RHOT1: variants seen among roughly 807,000 people sequenced by gnomAD.
RHOT1 encodes the protein ras homolog family member T1.
A neutral mutation model predicts 95.3 loss-of-function variants in RHOT1; 27 were observed. The observed-to-expected ratio is 0.28, with a 90% confidence interval of 0.21 to 0.39. The LOEUF (loss-of-function observed/expected upper bound fraction) is 0.39. Ranked by LOEUF, RHOT1 falls within the 10% of genes least tolerant of loss-of-function variation. RHOT1 has a pLI of 1.00. For synonymous variants in RHOT1, 227 were observed against 263.5 expected (o/e 0.86, Z 1.34); for missense variants, 578 against 786.7 (o/e 0.73, Z 3.17).
At chr17:32,163,344 A>G (rs185652983) in intron 1 of RHOT1, among the ~76,000 whole-genome samples, 10 of 152,182 alleles carry the variant, frequency 6.6e-5, no homozygotes, top group Non-Finnish European at 1.3e-4. Context: ...TTCAAAGGAA[A>G]ATTTGACAGA....
chr17:32,165,078 C>T (rs947133411), intron 1 of RHOT1, among the ~76,000 whole-genome samples: 13 of 152,054 alleles, frequency 8.5e-5, no homozygotes, highest in Admixed American at 4.6e-4. Context: ...TGGTGGCTTA[C>T]GCCTGTAATC....
At chr17:32,195,222 A>G (rs1374716067) in intron 11 of RHOT1, among the ~76,000 whole-genome samples, 2 of 151,772 alleles carry the variant, frequency 1.3e-5, no homozygotes, top group African/African-American at 2.4e-5. Flanking sequence ...GACCTTCCCA[A>G]ATAGCTGGGA....
intron 8 of RHOT1, among the ~76,000 whole-genome samples, chr17:32,184,136 T>C (rs938775241): frequency 1.3e-5 from 2 of 152,238 alleles, no homozygotes; most frequent in African/African-American, 2.4e-5. Flanking sequence ...TATTCCGTGG[T>C]TTTTAGTGTA....
At chr17:32,166,518 C>T (rs1349129865) in intron 1 of RHOT1, among the ~76,000 whole-genome samples, 1 of 152,200 alleles carries the variant, frequency 6.6e-6, no homozygotes, top group East Asian at 1.9e-4. Context: ...CATTTAATAG[C>T]ATTTTACCCA....
intron 8 of RHOT1, among the ~76,000 whole-genome samples, chr17:32,187,085 G>A (rs1598393503): frequency 2.0e-5 from 3 of 151,954 alleles, no homozygotes; most frequent in South Asian, 2.1e-4. Flanking sequence ...CCAGGAGTTC[G>A]AGACCAGCGT....
intron 1 of RHOT1, among the ~76,000 whole-genome samples, chr17:32,155,951 G>A (rs2032924681): frequency 6.6e-6 from 1 of 152,198 alleles, no homozygotes; most frequent in South Asian, 2.1e-4. Flanking sequence ...ATAATCATCT[G>A]GAATCAGGAT....
chr17:32,199,677 A>G (rs2037166948), intron 13 of RHOT1, 127 bp downstream of exon 13: 2 of 655,678 alleles, frequency 3.1e-6, no homozygotes, highest in Admixed American at 7.2e-5. Flanking sequence ...CCTCTAAGCA[A>G]GATTAGCTGC....
chr17:32,148,214 G>A (rs952428541), intron 1 of RHOT1, among the ~76,000 whole-genome samples: 1 of 152,092 alleles, frequency 6.6e-6, no homozygotes, highest in African/African-American at 2.4e-5. Context: ...GCAGTGAGCC[G>A]AAATCATGCC....
rs549647688 is a variant in RHOT1, at chr17:32,162,150, T to A, written c.38-8893T>A. Among the ~76,000 whole-genome samples the A allele has an allele frequency of 5.9e-5, 9 of 152,304 alleles. No homozygotes were observed. In the South Asian group the frequency reaches 1.7e-3, roughly 28 times the overall value. ...GGTTTTGGGGTGGGGCTGAGAGTTC[T>A]GACCCTCTAATCATGTAGTTGGTTT... On this transcript the variant is annotated intron_variant, in intron 1 of 19. Transcript: ENST00000545287.
chr17:32,202,399 T>C (rs776809034), intron 14 of RHOT1, among the ~76,000 whole-genome samples: 10 of 152,244 alleles, frequency 6.6e-5, no homozygotes, highest in Non-Finnish European at 1.3e-4. Flanking sequence ...GTTTATAATA[T>C]GTGACAGTTT....
chr17:32,218,209 C>T (rs965158882), intron 19 of RHOT1, among the ~76,000 whole-genome samples: 6 of 151,956 alleles, frequency 3.9e-5, no homozygotes, highest in African/African-American at 9.7e-5. Flanking sequence ...TAGAAAAGGG[C>T]CAAGCGCAGT....
At chr17:32,158,463 C>T (rs986478860) in intron 1 of RHOT1, among the ~76,000 whole-genome samples, 1 of 151,900 alleles carries the variant, frequency 6.6e-6, no homozygotes, top group Non-Finnish European at 1.5e-5. Flanking sequence ...CTCCCTCTGT[C>T]GTCGTTTTTT....
chr17:32,198,670 C>T (rs2037084368), intron 11 of RHOT1, among the ~76,000 whole-genome samples: 1 of 152,150 alleles, frequency 6.6e-6, no homozygotes, highest in South Asian at 2.1e-4. Flanking sequence ...GATCGTGCCA[C>T]TGCACTGTAG....
At chr17:32,175,475 C>A in intron 4 of RHOT1, 113 bp downstream of exon 4, 2 of 1,068,876 alleles carry the variant, frequency 1.9e-6, no homozygotes, top group South Asian at 1.3e-5. Context: ...TTTTTGGGAC[C>A]GTGTTTCACT....
intron 1 of RHOT1, among the ~76,000 whole-genome samples, chr17:32,163,596 G>A (rs998903055): frequency 1.3e-5 from 2 of 151,926 alleles, no homozygotes; most frequent in Non-Finnish European, 2.9e-5. Context: ...CCAGCGTGAT[G>A]GTGCGCACCT....
At chr17:32,206,861 T>C (rs2037792381) in intron 16 of RHOT1, 49 bp from the exon 17 acceptor site, 3 of 1,287,626 alleles carry the variant, frequency 2.3e-6, no homozygotes, top group Non-Finnish European at 3.3e-6. Context: ...TGACTTAATA[T>C]ATCAATATTA....
intron 19 of RHOT1, among the ~76,000 whole-genome samples, chr17:32,215,378 C>T (rs1265614660): frequency 6.6e-6 from 1 of 152,120 alleles, no homozygotes; most frequent in Non-Finnish European, 1.5e-5. Context: ...CCCACTGTCC[C>T]CTAACCCCAC....
chr17:32,204,059 A>G, intron 16 of RHOT1, 86 bp downstream of exon 16: 1 of 880,968 alleles, frequency 1.1e-6, no homozygotes, highest in Non-Finnish European at 1.8e-6. Context: ...CTTCAATTGA[A>G]TGACTCTCTG....
At chr17:32,204,001 T>G in intron 16 of RHOT1, 28 bp downstream of exon 16, 1 of 1,463,434 alleles carries the variant, frequency 6.8e-7, no homozygotes, top group African/African-American at 1.4e-5. Flanking sequence ...ATACAAAAAT[T>G]ACTAATTATT....
Sources: allele counts gnomAD v4.1 joint callset (sites outside exome capture counted in the v4.1 genomes callset), GRCh38; gene constraint gnomAD v4.1.1; transcripts MANE v1.5; gene names NCBI Gene and HGNC (gene_info 2026-07-23, HGNC 2026-07-21).